Variants in CAST observed in about 807,000 individuals in gnomAD.
CAST encodes the protein MIR583 host.
A neutral mutation model predicts 119.6 loss-of-function variants in CAST; 76 were observed. That is an observed-to-expected ratio of 0.64 (90% CI 0.53 to 0.77). The LOEUF (loss-of-function observed/expected upper bound fraction) is 0.77. Among genes scored for constraint, CAST ranks in the 30% least tolerant of loss-of-function variants. CAST has a pLI of 0.00. For missense variants in CAST, 953 were observed against 946.5 expected, an observed-to-expected ratio of 1.01 and a Z score of -0.09; for synonymous variants, 319 against 331.6, an observed-to-expected ratio of 0.96 and a Z score of 0.41.
At chr5:96,370,393 A>G in the CAST span, among the ~76,000 whole-genome samples, 1 of 152,138 alleles carries the variant, frequency 6.6e-6, no homozygotes, top group African/African-American at 2.4e-5. Context: ...AGGGTAGTGA[A>G]TGAAATTGTT....
the CAST span, among the ~76,000 whole-genome samples, chr5:96,409,825 C>A: frequency 6.6e-6 from 1 of 152,162 alleles, no homozygotes; most frequent in Admixed American, 6.5e-5. Flanking sequence ...AGAAGCAGGC[C>A]CACACTTCTA....
chr5:95,974,635 A>C, the CAST span, among the ~76,000 whole-genome samples: 1 of 152,206 alleles, frequency 6.6e-6, no homozygotes. Context: ...TAAGTGCTTG[A>C]GGGGATAGCT....
At chr5:95,993,865 G>A in the CAST span, among the ~76,000 whole-genome samples, 1 of 151,740 alleles carries the variant, frequency 6.6e-6, no homozygotes, top group East Asian at 1.9e-4. Context: ...CACATGAAAA[G>A]GTACTCAACA....
intron 1 of CAST, among the ~76,000 whole-genome samples, chr5:96,599,928 C>T (rs1747114432): frequency 7.2e-6 from 1 of 138,600 alleles, no homozygotes; most frequent in South Asian, 2.3e-4. Flanking sequence ...TTCCCCTTCT[C>T]ATTTATCCAA....
chr5:96,601,393 C>T (rs924622974), intron 1 of CAST, among the ~76,000 whole-genome samples: 1 of 152,200 alleles, frequency 6.6e-6, no homozygotes, highest in African/African-American at 2.4e-5. Context: ...GATCTGTGAC[C>T]TTGGCAGAAA....
the CAST span, among the ~76,000 whole-genome samples, chr5:96,312,543 G>C: frequency 6.6e-6 from 1 of 152,100 alleles, no homozygotes; most frequent in African/African-American, 2.4e-5. Context: ...TAAGAAATGT[G>C]TTTTTGAGAG....
At chr5:96,107,295 G>A in the CAST span, among the ~76,000 whole-genome samples, 1 of 151,964 alleles carries the variant, frequency 6.6e-6, no homozygotes, top group African/African-American at 2.4e-5. Flanking sequence ...TTGCTCATTA[G>A]TTGATGCAGT....
upstream of CAST, among the ~76,000 whole-genome samples, chr5:96,524,543 C>A (rs1250880947): frequency 6.6e-6 from 1 of 152,162 alleles, no homozygotes; most frequent in Non-Finnish European, 1.5e-5. Flanking sequence ...CATATGGGGA[C>A]GGCCATGTGT....
intron 2 of CAST, among the ~76,000 whole-genome samples, chr5:96,695,582 A>C (rs35015183): frequency 1.3e-5 from 2 of 152,020 alleles, no homozygotes; most frequent in African/African-American, 2.4e-5. Context: ...GAACTGCCTC[A>C]GTGAGTTTTG....
intron 1 of CAST, among the ~76,000 whole-genome samples, chr5:96,535,499 G>T (rs960499383): frequency 6.6e-6 from 1 of 151,866 alleles, no homozygotes; most frequent in African/African-American, 2.4e-5. Flanking sequence ...ATAGGACATG[G>T]TGGCATGAGT....
At chr5:96,729,763 A>G (rs776658243) in intron 8 of CAST, 38 bp downstream of exon 8, 6 of 860,282 alleles carry the variant, frequency 7.0e-6, no homozygotes, top group Admixed American at 5.2e-5. Flanking sequence ...CTTAACATCA[A>G]CTGGATAATA....
chr5:96,047,702 T>G, the CAST span, among the ~76,000 whole-genome samples: 2 of 152,180 alleles, frequency 1.3e-5, no homozygotes, highest in African/African-American at 2.4e-5. Context: ...GATATATTGA[T>G]GAGGGAAAAC....
At chr5:96,133,427 C>A in the CAST span, among the ~76,000 whole-genome samples, 1 of 152,054 alleles carries the variant, frequency 6.6e-6, no homozygotes, top group South Asian at 2.1e-4. Context: ...AAGTGAGAAA[C>A]CTTAGGTTCT....
chr5:96,235,673 C>G, the CAST span, among the ~76,000 whole-genome samples: 2 of 152,136 alleles, frequency 1.3e-5, no homozygotes. Flanking sequence ...TATCTTTTCT[C>G]TCCCCACACC....
At chr5:96,206,160 AT>A in the CAST span, among the ~76,000 whole-genome samples, 2 of 142,642 alleles carry the variant, frequency 1.4e-5, no homozygotes, top group East Asian at 3.9e-4. Flanking sequence ...TAATGGTGTT[AT>A]TTGTTTTTAG....
At chr5:96,561,792 T>TTTTTTTTTG (rs1443142655) in intron 1 of CAST, among the ~76,000 whole-genome samples, 1 of 65,268 alleles carries the variant, frequency 1.5e-5, no homozygotes, top group Admixed American at 1.7e-4. Flanking sequence ...ATATGTTTTT[T>TTTTTTTTTG]TTTGTTTTTT....
intron 2 of CAST, among the ~76,000 whole-genome samples, chr5:96,677,572 G>A (rs1029531024): frequency 1.3e-5 from 2 of 152,166 alleles, no homozygotes; most frequent in African/African-American, 4.8e-5. Flanking sequence ...AAGGAACAGC[G>A]AATTTTTCTT....
At chr5:96,640,501 T>C (rs1387145783) in intron 1 of CAST, among the ~76,000 whole-genome samples, 1 of 152,188 alleles carries the variant, frequency 6.6e-6, no homozygotes, top group African/African-American at 2.4e-5. Flanking sequence ...CATCAGGCCT[T>C]GTTCTTCAGC....
chr5:96,248,917 G>A, the CAST span, among the ~76,000 whole-genome samples: 8 of 152,166 alleles, frequency 5.3e-5, no homozygotes. Context: ...TCTAATCAGT[G>A]GTCATGCTTC....
Sources: gnomAD v4.1 joint callset for allele counts (sites outside exome capture counted in the v4.1 genomes callset) on GRCh38, gnomAD v4.1.1 for gene constraint, MANE v1.5 for transcripts, NCBI Gene and HGNC (gene_info 2026-07-23, HGNC 2026-07-21) for gene names.